SCHIP1: variants seen among roughly 807,000 people sequenced by gnomAD.
SCHIP1 encodes the protein schwannomin interacting protein 1.
A neutral mutation model predicts 29.7 loss-of-function variants in SCHIP1; 8 were observed. That is an observed-to-expected ratio of 0.27 (90% confidence interval 0.16 to 0.49). The LOEUF is 0.49. Ranked by LOEUF, SCHIP1 falls within the 20% of genes least tolerant of loss-of-function variation. The probability of loss-of-function intolerance (pLI) is 0.99; values close to 1 mark genes in which losing one functional copy is unlikely to be tolerated. For synonymous variants in SCHIP1, 76 were observed against 94.9 expected (o/e 0.80, Z 1.16); for missense variants, 193 against 294.6 (o/e 0.66, Z 2.52).
Position 159,887,741 on chromosome 3 carries a change from A to G in SCHIP1, c.301A>G (p.Thr101Ala), listed in dbSNP as rs766161173. 8.7e-6 allele frequency: 14 copies of G among 1,614,022 alleles called. 1 individual carries two copies. In the South Asian group the frequency reaches 1.2e-4, roughly 14 times the overall value. Residue 101 changes from threonine (T) to alanine (A), a missense_variant, in exon 4 of 7, where the codon ACT (threonine) becomes GCT (alanine). Thr to Ala is a moderately conservative substitution (Grantham distance 58). Transcript: ENST00000445224. ...GAGTTCTTCCTATTCTGATAGAGAC[A>G]CTACTGAAGAGGAGTCTGAATCCTT...
the SCHIP1 span, among the ~76,000 whole-genome samples, chr3:159,604,463 C>T: frequency 1.6e-4 from 25 of 152,250 alleles, no homozygotes; most frequent in Admixed American, 7.9e-4. Context: ...ACAGTGAGAT[C>T]GCTCACTTAA....
the SCHIP1 span, among the ~76,000 whole-genome samples, chr3:159,515,913 TAA>T: frequency 6.6e-6 from 1 of 150,804 alleles, no homozygotes; most frequent in African/African-American, 2.4e-5. Flanking sequence ...ATAAATAAGA[TAA>T]ATGAGAAAAA....
the SCHIP1 span, among the ~76,000 whole-genome samples, chr3:159,602,951 A>C: frequency 2.0e-5 from 3 of 152,202 alleles, no homozygotes; most frequent in South Asian, 2.1e-4. Context: ...AGATAGCATG[A>C]TATCTCACAG....
At chr3:159,399,027 C>G in the SCHIP1 span, 2 of 744,756 alleles carry the variant, frequency 2.7e-6, no homozygotes, top group South Asian at 1.2e-4. Context: ...CTAGTGCCCA[C>G]CCCAAACCCT....
chr3:159,681,917 AGGTTAACTTG>A, the SCHIP1 span, among the ~76,000 whole-genome samples: 48 of 83,286 alleles, frequency 5.8e-4, no homozygotes, highest in African/African-American at 6.3e-3. Context: ...ACGTTAACTT[AGGTTAACTTG>A]GGTTAACTTG....
the SCHIP1 span, among the ~76,000 whole-genome samples, chr3:159,441,844 CTAT>C: frequency 6.6e-6 from 1 of 151,632 alleles, no homozygotes; most frequent in East Asian, 2.0e-4. Flanking sequence ...GGCAAGGATT[CTAT>C]TATTATTATT....
the SCHIP1 span, among the ~76,000 whole-genome samples, chr3:159,768,957 A>G: frequency 6.6e-6 from 1 of 152,160 alleles, no homozygotes; most frequent in Non-Finnish European, 1.5e-5. Context: ...TGTGCTTCTC[A>G]CAGTCCTGCC....
the SCHIP1 span, among the ~76,000 whole-genome samples, chr3:159,681,892 A>G: frequency 3.4e-3 from 492 of 145,524 alleles, 5 homozygotes; most frequent in African/African-American, 0.012. Context: ...ACTTAGGTTA[A>G]CTTGGGTTAA....
the SCHIP1 span, among the ~76,000 whole-genome samples, chr3:159,828,396 CGTA>C: frequency 3.3e-5 from 2 of 60,146 alleles, no homozygotes; most frequent in East Asian, 2.3e-3. Context: ...TACATATATA[CGTA>C]TATATATACG....
At chr3:159,441,610 T>C in the SCHIP1 span, among the ~76,000 whole-genome samples, 1 of 152,144 alleles carries the variant, frequency 6.6e-6, no homozygotes, top group East Asian at 1.9e-4. Context: ...GGGATTTACA[T>C]GGAAAGATGA....
the SCHIP1 span, among the ~76,000 whole-genome samples, chr3:159,762,511 T>A: frequency 6.6e-6 from 1 of 152,260 alleles, no homozygotes; most frequent in Non-Finnish European, 1.5e-5. Context: ...AGGGAATTCA[T>A]TTGGTCCAGG....
At chr3:159,520,246 A>T in the SCHIP1 span, among the ~76,000 whole-genome samples, 1 of 152,128 alleles carries the variant, frequency 6.6e-6, no homozygotes, top group Non-Finnish European at 1.5e-5. Flanking sequence ...CTAAGGATTT[A>T]TGAGGAGGTG....
chr3:159,524,616 A>G, the SCHIP1 span, among the ~76,000 whole-genome samples: 1 of 152,222 alleles, frequency 6.6e-6, no homozygotes, highest in Admixed American at 6.5e-5. Flanking sequence ...TAGACATATA[A>G]GCCAGGCTTC....
the SCHIP1 span, among the ~76,000 whole-genome samples, chr3:159,386,456 A>C: frequency 6.6e-6 from 1 of 152,254 alleles, no homozygotes; most frequent in Non-Finnish European, 1.5e-5. Context: ...TATCGTGAAA[A>C]TGAACATACT....
the SCHIP1 span, chr3:159,399,040 C>T: frequency 2.2e-5 from 13 of 601,018 alleles, no homozygotes; most frequent in Non-Finnish European, 2.7e-5. Context: ...CAAACCCTCA[C>T]TCCCCTCCAG....
exon 6 of SCHIP1, chr3:159,892,124 T>G (rs761093668): frequency 6.2e-7 from 1 of 1,614,006 alleles, no homozygotes; most frequent in South Asian, 1.1e-5. Flanking sequence ...GTCCAGCTGC[T>G]TCTCATCCGA....
the SCHIP1 span, among the ~76,000 whole-genome samples, chr3:159,294,203 G>T: frequency 6.6e-6 from 1 of 152,082 alleles, no homozygotes; most frequent in African/African-American, 2.4e-5. Flanking sequence ...TAGGGCAAGT[G>T]GCCTGCTTCT....
At chr3:159,599,205 T>C in the SCHIP1 span, among the ~76,000 whole-genome samples, 1 of 152,232 alleles carries the variant, frequency 6.6e-6, no homozygotes, top group Non-Finnish European at 1.5e-5. Context: ...ATTATTGATA[T>C]GTGAGGCTTT....
the SCHIP1 span, among the ~76,000 whole-genome samples, chr3:159,336,625 A>G: frequency 6.6e-6 from 1 of 151,868 alleles, no homozygotes; most frequent in East Asian, 1.9e-4. Flanking sequence ...TCTTGTTTTT[A>G]TCAGGTTTGT....
Sources: allele counts gnomAD v4.1 joint callset (sites outside exome capture counted in the v4.1 genomes callset), GRCh38; gene constraint gnomAD v4.1.1; transcripts MANE v1.5; gene names NCBI Gene and HGNC (gene_info 2026-07-23, HGNC 2026-07-21).